The following PDE4D variants were observed in gnomAD, a reference collection of about 807,000 sequenced individuals.
PDE4D encodes the protein 3',5'-cyclic-AMP phosphodiesterase 4D.
PDE4D carries 24 observed loss-of-function variants against 87.4 expected under a neutral mutation model. The observed-to-expected ratio is 0.27, with a 90% CI of 0.20 to 0.39. The LOEUF (loss-of-function observed/expected upper bound fraction) is 0.39. Among genes scored for constraint, PDE4D ranks in the 10% least tolerant of loss-of-function variants. PDE4D has a pLI of 1.00. For missense variants in PDE4D, 714 were observed against 1,041.0 expected (o/e 0.69, Z 4.32); for synonymous variants, 384 against 383.2 (o/e 1.00, Z -0.02).
At chr5:59,806,379 C>T (rs1166520655) in intron 1 of PDE4D, among the ~76,000 whole-genome samples, 1 of 152,184 alleles carries the variant, frequency 6.6e-6, no homozygotes, top group Admixed American at 6.5e-5. Context: ...TTTCTGGAGA[C>T]CTGGAAACAG....
chr5:60,441,995 G>A (rs946808158), intron 1 of PDE4D, among the ~76,000 whole-genome samples: 1 of 152,124 alleles, frequency 6.6e-6, no homozygotes, highest in Non-Finnish European at 1.5e-5. Flanking sequence ...GTTGGTGGGA[G>A]TGTAAATTAG....
intron 1 of PDE4D, among the ~76,000 whole-genome samples, chr5:60,342,536 A>G (rs1758402144): frequency 6.6e-6 from 1 of 152,194 alleles, no homozygotes; most frequent in South Asian, 2.1e-4. Context: ...GACGTGGAGG[A>G]AAGCTCAAAA....
At chr5:60,189,551 T>C (rs1221664851) in intron 1 of PDE4D, among the ~76,000 whole-genome samples, 1 of 152,188 alleles carries the variant, frequency 6.6e-6, no homozygotes, top group Non-Finnish European at 1.5e-5. Flanking sequence ...TAAATCTATG[T>C]ATTGAAACAG....
intron 1 of PDE4D, among the ~76,000 whole-genome samples, chr5:60,282,921 T>C (rs115251270): frequency 8.6e-4 from 131 of 152,316 alleles, no homozygotes; most frequent in African/African-American, 3.0e-3. Flanking sequence ...TGAGATATAT[T>C]TTATGGTCTA....
intron 1 of PDE4D, among the ~76,000 whole-genome samples, chr5:59,532,901 C>A (rs1458389019): frequency 6.6e-6 from 1 of 152,118 alleles, no homozygotes; most frequent in African/African-American, 2.4e-5. Context: ...AGTCTTCAGA[C>A]CTCAGTCTAG....
At chr5:59,818,473 A>T (rs1443341509) in intron 1 of PDE4D, among the ~76,000 whole-genome samples, 2 of 152,238 alleles carry the variant, frequency 1.3e-5, no homozygotes, top group Non-Finnish European at 2.9e-5. Context: ...TACTATTACT[A>T]TTGGAAAGCC....
Position 59,819,270 on chromosome 5 carries a change from T to A in PDE4D, c.455+73898A>T, listed in dbSNP as rs886640847. ...GAATCTATGCAGGTTTTATTTTGAG[T>A]ATTCTCGCCTTCTCAACGCCTGGTA... is the stretch of plus-strand genomic sequence containing the variant. On this transcript the variant is annotated intron_variant, in intron 1 of 14. Coordinates refer to ENST00000340635, the MANE Select transcript of PDE4D (RefSeq NM_001104631.2). 5.9e-5 allele frequency among the ~76,000 whole-genome samples: 9 copies of A among 152,174 alleles called. No individual in the cohort carries two copies. In the South Asian group the frequency reaches 8.3e-4, roughly 14 times the overall value.
intron 1 of PDE4D, among the ~76,000 whole-genome samples, chr5:59,695,139 A>G (rs1561491484): frequency 1.3e-5 from 2 of 151,902 alleles, no homozygotes; most frequent in Admixed American, 6.6e-5. Flanking sequence ...GCTCAAATCC[A>G]TATCTTTTAT....
intron 1 of PDE4D, among the ~76,000 whole-genome samples, chr5:59,888,617 CT>C (rs956011489): frequency 2.0e-5 from 3 of 151,902 alleles, no homozygotes; most frequent in African/African-American, 7.3e-5. Flanking sequence ...AGATGTCAAC[CT>C]TATGTCAGTT....
intron 1 of PDE4D, among the ~76,000 whole-genome samples, chr5:60,360,536 C>T (rs1320282673): frequency 6.6e-6 from 1 of 152,174 alleles, no homozygotes; most frequent in African/African-American, 2.4e-5. Context: ...GAAGGGAAAA[C>T]GTGGGGAACT....
rs761809604 is a variant in PDE4D, at chr5:59,892,044, G to GAT, written c.455+1122_455+1123dup. Among the ~76,000 whole-genome samples, 132 of 152,286 alleles carry GAT rather than the reference G, an allele frequency of 8.7e-4. 1 individual carries two copies. The highest frequency in any genetic ancestry group is 2.9e-3 in the Admixed American group (44 of 15,290). On this transcript the variant is annotated intron_variant, in intron 1 of 14. Transcript: ENST00000340635. Reference sequence around the variant, plus strand: ...CTACTTTACTATTAGATGTGCCAAGGATCAGCAGCTCCTGAAATCTTTTTC... The same window carrying GAT: ...CTACTTTACTATTAGATGTGCCAAGGATATCAGCAGCTCCTGAAATCTTTTTC...
chr5:59,049,987 G>A (rs1293328841), intron 5 of PDE4D, among the ~76,000 whole-genome samples: 4 of 152,140 alleles, frequency 2.6e-5, no homozygotes, highest in African/African-American at 9.7e-5. Context: ...CACACAGCCG[G>A]GCATGGTGGC....
chr5:59,363,052 C>T (rs1038304053), intron 1 of PDE4D, among the ~76,000 whole-genome samples: 11 of 152,160 alleles, frequency 7.2e-5, no homozygotes, highest in African/African-American at 2.7e-4. Flanking sequence ...CCAAACATCA[C>T]CATAATGTCG....
intron 1 of PDE4D, among the ~76,000 whole-genome samples, chr5:59,517,750 G>T (rs940790015): frequency 2.0e-5 from 3 of 152,168 alleles, no homozygotes; most frequent in African/African-American, 7.2e-5. Context: ...TTCATAGCAG[G>T]TGATCTAGGA....
chr5:59,827,189 A>G (rs929527406), intron 1 of PDE4D, among the ~76,000 whole-genome samples: 1 of 152,068 alleles, frequency 6.6e-6, no homozygotes, highest in African/African-American at 2.4e-5. Flanking sequence ...AATAGTAGTT[A>G]AGACTGGTTA....
At chr5:59,051,372 A>G (rs1201573868) in intron 5 of PDE4D, among the ~76,000 whole-genome samples, 1 of 152,176 alleles carries the variant, frequency 6.6e-6, no homozygotes, top group Non-Finnish European at 1.5e-5. Flanking sequence ...AAACAAACAA[A>G]CAACAAAATA....
chr5:59,634,440 T>G (rs2150160791), intron 1 of PDE4D, among the ~76,000 whole-genome samples: 1 of 152,312 alleles, frequency 6.6e-6, no homozygotes, highest in African/African-American at 2.4e-5. Context: ...TACATTCTTC[T>G]CAGCACCACA....
chr5:60,258,384 CA>C (rs556827442), intron 1 of PDE4D, among the ~76,000 whole-genome samples: 152 of 151,686 alleles, frequency 1.0e-3, no homozygotes, highest in African/African-American at 3.5e-3. Context: ...GTAATAAGAC[CA>C]AAAAATACCC....
chr5:60,157,731 T>C (rs1314360875), intron 2 of PDE4D, among the ~76,000 whole-genome samples: 1 of 152,228 alleles, frequency 6.6e-6, no homozygotes, highest in Non-Finnish European at 1.5e-5. Context: ...TCTCAGATAG[T>C]GCAATGATTT....
Sources: gnomAD v4.1 joint callset for allele counts (sites outside exome capture counted in the v4.1 genomes callset) on GRCh38, gnomAD v4.1.1 for gene constraint, MANE v1.5 for transcripts, NCBI Gene and HGNC (gene_info 2026-07-23, HGNC 2026-07-21) for gene names.